COX6B2: variants seen among roughly 807,000 people sequenced by gnomAD.
COX6B2 encodes the protein COX VIb-2.
COX6B2 carries 12 observed loss-of-function variants against 13.7 expected under a neutral mutation model. That is an observed-to-expected ratio of 0.87 (90% CI 0.56 to 1.41). The LOEUF (loss-of-function observed/expected upper bound fraction) is 1.41, where lower values mean the gene tolerates loss of function less well. Ranked by LOEUF, COX6B2 falls within the 40% of genes most tolerant of loss-of-function variation. COX6B2 has a pLI of 0.00. For synonymous variants in COX6B2, 56 were observed against 46.6 expected, an observed-to-expected ratio of 1.20 and a Z score of -0.82; for missense variants, 130 against 118.3, an observed-to-expected ratio of 1.10 and a Z score of -0.46.
At chr19:55,353,550 C>G in intron 4 of COX6B2, 57 bp downstream of exon 4, 1 of 677,700 alleles carries the variant, frequency 1.5e-6, no homozygotes. Context: ...GGATCCCCAC[C>G]ACCACCACGA....
At position 55,350,184 on chromosome 19, in the gene COX6B2, G is replaced by A. The variant is rs892878335; in HGVS notation, c.*731C>T. 2.0e-5 allele frequency: 3 copies of A among 152,236 alleles called. No individual in the cohort carries two copies. The highest frequency in any genetic ancestry group is 2.9e-5 in the Non-Finnish European group (2 of 68,058). 9.4% of individuals were successfully genotyped at this position (152,236 alleles called of 1,614,324 possible). A position where few individuals can be genotyped will look rare whatever the true frequency, so the allele number is the denominator to read the frequency against. On this transcript the variant is annotated 3_prime_UTR_variant, in exon 5 of 5. Coordinates refer to ENST00000326529, the MANE Select transcript of COX6B2 (RefSeq NM_144613.5). The surrounding 1 kb of genome is among the most constrained non-coding windows in gnomAD (Gnocchi z 4.2). ...AGGGCGTTAGAAACTGGCGATCAGG[G>A]TTTCCTGGCCTCCGCACTGCTGCCA...
intron 2 of COX6B2, 98 bp from the exon 3 acceptor site, chr19:55,354,064 C>G: frequency 1.8e-6 from 2 of 1,107,190 alleles, no homozygotes; most frequent in Admixed American, 4.1e-5. Context: ...CTGCTTCGTC[C>G]CGCCTCCCTC....
At chr19:55,354,121 C>T (rs551925669) in intron 2 of COX6B2, 155 bp from the exon 3 acceptor site, 1 of 695,842 alleles carries the variant, frequency 1.4e-6, no homozygotes, top group South Asian at 1.7e-5. Context: ...GCCCCGACCC[C>T]TACCTCCCTC....
chr19:55,354,354 C>T (rs138591719), intron 2 of COX6B2, 56 bp downstream of exon 2: 13 of 1,445,008 alleles, frequency 9.0e-6, no homozygotes, highest in Non-Finnish European at 1.3e-5. Context: ...AGTGCCCCTC[C>T]CTGCCGTCCC....
Position 55,353,958 on chromosome 19 carries a change from G to C in COX6B2, c.121C>G (p.Arg41Gly). 1 of 1,550,496 alleles carries C rather than the reference G, an allele frequency of 6.4e-7. No individual in the cohort carries two copies. Among genetic ancestry groups the C allele is most frequent in the Non-Finnish European group, 8.7e-7 (1 of 1,151,286 alleles). ...CGGCGGGTCCTGGTCTTGAGGCAGC[G>C]GTGGTAGTCTGTGGCGGGCGGGGGT... ...NCYQNFLDYH[R>G]CLKTRTRRGK... The change falls in exon 3 of 5, where the codon CGC becomes GGC. Residue 41 changes from arginine (R) to glycine (G), a missense_variant. Transcript: ENST00000326529.
In COX6B2 at chr19:55,352,706, C is replaced by T. The variant is rs1421673654; in HGVS notation, c.*114+901G>A. 6.6e-6 allele frequency: 1 copy of T among 152,184 alleles called. No homozygotes were observed. The highest frequency in any genetic ancestry group is 2.4e-5 in the African/African-American group (1 of 41,416). 9.4% of individuals were successfully genotyped at this position (152,184 alleles called of 1,614,324 possible). ...TCCCTCAGCAGGACCAGGCTGGAAC[C>T]CTAGGGCTTTGTCAAGCGGCACTCC... On this transcript the variant is annotated intron_variant, in intron 4 of 4. Transcript: ENST00000326529. This position sits in a 1 kb window ranked among gnomAD's most constrained non-coding sequence, Gnocchi z 6.2.
At chr19:55,353,231 C>A in intron 4 of COX6B2, 1 of 223,980 alleles carries the variant, frequency 4.5e-6, no homozygotes, top group Non-Finnish European at 9.1e-6. Context: ...GGGAAGGAGC[C>A]TGGGGAGATG....
rs1398297405 is a variant in COX6B2 at position 55,350,421 on chromosome 19, C to T, written c.*494G>A. The T allele has an allele frequency of 1.3e-5, 2 of 152,440 alleles. No homozygotes were observed. The highest frequency in any genetic ancestry group is 6.5e-5 in the Admixed American group (1 of 15,282). 9.4% of individuals were successfully genotyped at this position (152,440 alleles called of 1,614,324 possible). A position where few individuals can be genotyped will look rare whatever the true frequency, so the allele number is the denominator to read the frequency against. ...GGTGGGGGAGGGGAGACACCAGGCCCATAGTGACCGACCATTCCCTGTCCT... is the reference window on the plus strand; with the variant it reads ...GGTGGGGGAGGGGAGACACCAGGCCTATAGTGACCGACCATTCCCTGTCCT... On this transcript the variant is annotated 3_prime_UTR_variant, in exon 5 of 5. Coordinates refer to ENST00000326529, the MANE Select transcript of COX6B2 (RefSeq NM_144613.5). This position sits in a 1 kb window ranked among gnomAD's most constrained non-coding sequence, Gnocchi z 4.2.
Position 55,354,501 on chromosome 19 carries a change from C to T in COX6B2, c.21G>A (p.Gln7=). The change falls in exon 2 of 5, where the codon CAG becomes CAA. Residue 7 remains glutamine (Q), a synonymous_variant. Transcript: ENST00000326529. The stretch of plus-strand genomic sequence containing the variant: ...TCGACCATTTCCCCTTGGGGGGCTC[C>T]TGGGCTTCCACATCCAACATCCACG... MLDVEA[Q]EPPKGKWSTP... 6.2e-7 allele frequency: 1 copy of T among 1,612,754 alleles called. No individual in the cohort carries two copies. Among genetic ancestry groups the T allele is most frequent in the Non-Finnish European group, 8.5e-7 (1 of 1,179,072 alleles).
chr19:55,353,370 C>T (rs2123216250), intron 4 of COX6B2: 2 of 405,212 alleles, frequency 4.9e-6, no homozygotes, highest in Non-Finnish European at 9.2e-6. Flanking sequence ...TGGCTCGTAG[C>T]TGTCAACGCG....
intron 4 of COX6B2, among the ~76,000 whole-genome samples, chr19:55,351,206 C>T (rs2123212834): frequency 6.6e-6 from 1 of 152,328 alleles, no homozygotes; most frequent in East Asian, 1.9e-4. Context: ...CATCGCCGTC[C>T]TCCCCACAAC....
At chr19:55,354,066 G>T (rs2123217946) in intron 2 of COX6B2, 100 bp from the exon 3 acceptor site, 3 of 1,094,706 alleles carry the variant, frequency 2.7e-6, no homozygotes, top group South Asian at 1.4e-5. Flanking sequence ...GCTTCGTCCC[G>T]CCTCCCTCTC....
intron 2 of COX6B2, 182 bp downstream of exon 2, chr19:55,354,228 A>C (rs1256449730): frequency 5.0e-6 from 3 of 599,402 alleles, no homozygotes; most frequent in Non-Finnish European, 2.9e-6. Flanking sequence ...CGCCCCTACC[A>C]ACCTCGCCCC....
At chr19:55,354,567 C>A in intron 1 of COX6B2, 28 bp from the exon 2 acceptor site, 1 of 1,417,766 alleles carries the variant, frequency 7.1e-7, no homozygotes, top group Non-Finnish European at 9.8e-7. Context: ...ACGGGGACTC[C>A]GTGGGGCCGA....
In COX6B2 at chr19:55,354,456, G is replaced by T. The variant is rs1569026267; in HGVS notation, c.66C>A (p.Arg22=). The part of the protein sequence containing the change: ...GKWSTPPFDP[R]FPSQNQIRNC... The stretch of plus-strand genomic sequence containing the variant: ...TACGGATCTGGTTCTGGCTGGGGAA[G>T]CGCGGGTCGAAGGGCGGCGTCGACC... Residue 22 remains arginine, a synonymous_variant, in exon 2 of 5, where the codon CGC becomes CGA. Transcript: ENST00000326529. 6.2e-7 allele frequency: 1 copy of T among 1,614,042 alleles called. No individual in the cohort carries two copies. The highest frequency in any genetic ancestry group is 8.5e-7 in the Non-Finnish European group (1 of 1,179,966).
chr19:55,350,503 C>G lies in COX6B2; in HGVS notation c.*412G>C, dbSNP rs1261762957. 6.6e-6 allele frequency: 1 copy of G among 152,358 alleles called. No homozygotes were observed. Among genetic ancestry groups the G allele is most frequent in the African/African-American group, 2.4e-5 (1 of 41,456 alleles). 9.4% of individuals were successfully genotyped at this position (152,358 alleles called of 1,614,324 possible). On this transcript the variant is annotated 3_prime_UTR_variant, in exon 5 of 5. Transcript: ENST00000326529. This position sits in a 1 kb window ranked among gnomAD's most constrained non-coding sequence, Gnocchi z 4.2. The stretch of plus-strand genomic sequence containing the variant: ...GGGACGTGGGCGCTCTCAGTCATCT[C>G]GCCCATACAGACAGGAGCTGGCTGG...
rs1351821005 is a variant in COX6B2 at position 55,354,625 on chromosome 19, T to C, written c.-19+25A>G. On this transcript the variant is annotated intron_variant, in intron 1 of 4. Coordinates refer to ENST00000326529, the MANE Select transcript of COX6B2 (RefSeq NM_144613.5). ...GTCTCCCCATCCTGACCCCCGCCCC[T>C]GAACCCCACCCGTCGTGCCCTCACC... 18 of 780,632 alleles carry C rather than the reference T, an allele frequency of 2.3e-5. No homozygotes were observed. The East Asian group carries it at 4.2e-4, about 18-fold the overall frequency. The allele number at this position is 780,632 out of a possible 1,614,324, so 48.4% of individuals were successfully genotyped here. A position where few individuals can be genotyped will look rare whatever the true frequency, so the allele number is the denominator to read the frequency against.
chr19:55,351,120 T>C (rs1361313768), intron 4 of COX6B2, among the ~76,000 whole-genome samples: 2 of 152,232 alleles, frequency 1.3e-5, no homozygotes, highest in Non-Finnish European at 2.9e-5. Flanking sequence ...TGACTCAGAT[T>C]GTCTCTATGG....
Position 55,354,523 on chromosome 19 carries a change from C to T in COX6B2, c.-2G>A, listed in dbSNP as rs200982714. On this transcript the variant is annotated 5_prime_UTR_variant, in exon 2 of 5. Coordinates refer to ENST00000326529, the MANE Select transcript of COX6B2 (RefSeq NM_144613.5). ...CTCCTGGGCTTCCACATCCAACATC[C>T]ACGAAGGAGGCAACTCCTGCGAGAC... 10 of 1,606,484 alleles carry T rather than the reference C, an allele frequency of 6.2e-6. No homozygotes were observed. Among genetic ancestry groups the T allele is most frequent in the Non-Finnish European group, 7.7e-6 (9 of 1,174,750 alleles).
Sources: allele counts gnomAD v4.1 joint callset (sites outside exome capture counted in the v4.1 genomes callset), GRCh38; gene constraint gnomAD v4.1.1; non-coding constraint Gnocchi (gnomAD v3.1); transcripts MANE v1.5; gene names NCBI Gene and HGNC (gene_info 2026-07-23, HGNC 2026-07-21).